NFIB: variants seen among roughly 807,000 people sequenced by gnomAD.
NFIB encodes nuclear factor 1 B-type.
A neutral mutation model predicts 61.5 loss-of-function variants in NFIB; 11 were observed. The ratio of observed to expected loss-of-function variants is 0.18; its 90% CI spans 0.11 to 0.30. The LOEUF (loss-of-function observed/expected upper bound fraction) is 0.30, where lower values mean the gene tolerates loss of function less well. NFIB is among the 10% of genes least tolerant of loss of function. The pLI, the probability that NFIB is intolerant of heterozygous loss-of-function variation, is 1.00. For missense variants in NFIB, 471 were observed against 608.9 expected (o/e 0.77, Z 2.38); for synonymous variants, 260 against 216.5 (o/e 1.20, Z -1.76).
intron 2 of NFIB, among the ~76,000 whole-genome samples, chr9:14,189,168 T>G (rs2047673986): frequency 6.6e-6 from 1 of 152,220 alleles, no homozygotes; most frequent in Admixed American, 6.5e-5. Flanking sequence ...AACACTCCTG[T>G]GTACACATGG....
rs148306469 is a variant in NFIB, at chr9:14,211,799, G to A, written c.563-32019C>T. 2.0e-4 allele frequency among the ~76,000 whole-genome samples: 30 copies of A among 152,308 alleles called. No homozygotes were observed. In the East Asian group the frequency reaches 5.8e-3, roughly 29 times the overall value. ...TCAGAGTTGAACAGTATAGCATATT[G>A]TTATTAAAAGTGATTTGAGTTGTGA... On this transcript the variant is annotated intron_variant, in intron 2 of 10. Coordinates refer to ENST00000380953, the MANE Select transcript of NFIB (RefSeq NM_001190737.2).
the NFIB span, among the ~76,000 whole-genome samples, chr9:14,483,703 G>A: frequency 6.6e-6 from 1 of 152,226 alleles, no homozygotes; most frequent in Non-Finnish European, 1.5e-5. Flanking sequence ...GAATCTCTAA[G>A]AGTAGCACTA....
At chr9:14,174,452 AG>A (rs2045918524) in intron 3 of NFIB, among the ~76,000 whole-genome samples, 1 of 152,182 alleles carries the variant, frequency 6.6e-6, no homozygotes. Flanking sequence ...GGACATGAGA[AG>A]GAATAGACAT....
At chr9:14,430,377 C>G in the NFIB span, among the ~76,000 whole-genome samples, 4 of 150,988 alleles carry the variant, frequency 2.6e-5, no homozygotes, top group Admixed American at 6.6e-5. Flanking sequence ...AAAAAAAAAG[C>G]TTTCCTGACT....
intron 2 of NFIB, among the ~76,000 whole-genome samples, chr9:14,235,341 C>A (rs775001208): frequency 3.9e-5 from 6 of 152,206 alleles, no homozygotes; most frequent in Non-Finnish European, 8.8e-5. Context: ...CAGCCCCGAC[C>A]TTGTTCCTCA....
At chr9:14,417,080 G>C in the NFIB span, among the ~76,000 whole-genome samples, 1 of 150,924 alleles carries the variant, frequency 6.6e-6, no homozygotes, top group African/African-American at 2.5e-5. Flanking sequence ...CTTTAGTAGA[G>C]ACAGGGTTTC....
rs2046225710 is a variant in NFIB, at chr9:14,176,682, T to C, written c.616+3045A>G. Among the ~76,000 whole-genome samples the C allele has an allele frequency of 2.0e-5, 3 of 152,142 alleles. No homozygotes were observed. In the South Asian group the frequency reaches 6.2e-4, roughly 31 times the overall value. On this transcript the variant is annotated intron_variant, in intron 3 of 10. Transcript: ENST00000380953. ...TCAAAGTAAGAACTAAAGGCCTATC[T>C]GTAGATGTCCATACTATAGTTTGAA...
the NFIB span, among the ~76,000 whole-genome samples, chr9:14,465,990 C>G: frequency 1.2e-4 from 18 of 152,138 alleles, no homozygotes; most frequent in Non-Finnish European, 2.6e-4. Context: ...ACACTTTGGT[C>G]TCCAATAGAA....
the NFIB span, among the ~76,000 whole-genome samples, chr9:14,459,517 G>C: frequency 1.8e-3 from 277 of 152,150 alleles, 1 homozygote; most frequent in Non-Finnish European, 1.0e-3. Flanking sequence ...ATTGACAAAC[G>C]GGATCTAATT....
chr9:14,402,220 C>G (rs2061749659), upstream of NFIB, among the ~76,000 whole-genome samples: 1 of 152,154 alleles, frequency 6.6e-6, no homozygotes, highest in Admixed American at 6.5e-5. Context: ...TCCAGCAAAG[C>G]TGAATTACAT....
the NFIB span, among the ~76,000 whole-genome samples, chr9:14,463,932 T>C: frequency 7.9e-5 from 12 of 152,196 alleles, no homozygotes; most frequent in African/African-American, 2.9e-4. Context: ...AGTGCTGGGA[T>C]TACAGGCGTG....
chr9:14,349,237 C>G (rs2061075104), intron 1 of NFIB, among the ~76,000 whole-genome samples: 1 of 152,188 alleles, frequency 6.6e-6, no homozygotes, highest in South Asian at 2.1e-4. Context: ...GGGGTTTGGT[C>G]TCGCATGCGA....
intron 2 of NFIB, among the ~76,000 whole-genome samples, chr9:14,302,935 A>C (rs2382466): frequency 0.8 from 122,254 of 152,146 alleles, 53,991 homozygotes; most frequent in Non-Finnish European, 0.97. Flanking sequence ...TATCTAGGAA[A>C]CTTTAACCAA....
At chr9:14,232,489 C>A (rs773873975) in intron 2 of NFIB, among the ~76,000 whole-genome samples, 3 of 152,038 alleles carry the variant, frequency 2.0e-5, no homozygotes, top group African/African-American at 7.2e-5. Context: ...CCTACCTGCT[C>A]AAGGAAAGCA....
intron 8 of NFIB, among the ~76,000 whole-genome samples, chr9:14,117,170 T>A (rs1339456446): frequency 6.6e-6 from 1 of 152,176 alleles, no homozygotes; most frequent in African/African-American, 2.4e-5. Context: ...TACTCTTACA[T>A]CCATGGTGGT....
chr9:14,413,193 T>A, the NFIB span, among the ~76,000 whole-genome samples: 9 of 152,270 alleles, frequency 5.9e-5, no homozygotes, highest in African/African-American at 1.9e-4. Flanking sequence ...TCCAGTGGCA[T>A]GGATGGCAAT....
intron 1 of NFIB, among the ~76,000 whole-genome samples, chr9:14,328,549 G>T (rs1290444175): frequency 6.6e-6 from 1 of 151,720 alleles, no homozygotes; most frequent in Non-Finnish European, 1.5e-5. Flanking sequence ...CAATTAACAA[G>T]ATAAAAAAGA....
intron 1 of NFIB, among the ~76,000 whole-genome samples, chr9:14,330,521 A>G (rs2060808419): frequency 6.6e-6 from 1 of 152,232 alleles, no homozygotes; most frequent in African/African-American, 2.4e-5. Flanking sequence ...AAAATAACAA[A>G]TGTATACCAT....
chr9:14,346,533 G>C (rs537227678), intron 1 of NFIB, among the ~76,000 whole-genome samples: 19 of 152,092 alleles, frequency 1.2e-4, no homozygotes, highest in Non-Finnish European at 2.6e-4. Context: ...CCACACCGTC[G>C]GCGACGGATT....
Sources: gnomAD v4.1 joint callset for allele counts (sites outside exome capture counted in the v4.1 genomes callset) on GRCh38, gnomAD v4.1.1 for gene constraint, MANE v1.5 for transcripts, NCBI Gene and HGNC (gene_info 2026-07-23, HGNC 2026-07-21) for gene names.